Variants in DPP10 observed in about 807,000 individuals in gnomAD.
DPP10 encodes the protein inactive dipeptidyl peptidase 10.
A neutral mutation model predicts 120.9 loss-of-function variants in DPP10; 33 were observed. That is an observed-to-expected ratio of 0.27 (90% confidence interval 0.21 to 0.37). The LOEUF is 0.37. Ranked by LOEUF, DPP10 falls within the 10% of genes least tolerant of loss-of-function variation. The pLI, the probability that DPP10 is intolerant of heterozygous loss-of-function variation, is 1.00. For synonymous variants in DPP10, 337 were observed against 326.1 expected (o/e 1.03, Z -0.36); for missense variants, 816 against 942.8 (o/e 0.87, Z 1.76).
intron 1 of DPP10, among the ~76,000 whole-genome samples, chr2:114,724,385 T>A (rs1334546294): frequency 1.3e-5 from 2 of 152,212 alleles, no homozygotes; most frequent in East Asian, 3.9e-4. Context: ...CTAAATAGTA[T>A]AAAGGAGAGC....
intron 1 of DPP10, among the ~76,000 whole-genome samples, chr2:115,295,069 T>A (rs1259342559): frequency 6.6e-6 from 1 of 152,128 alleles, no homozygotes; most frequent in Non-Finnish European, 1.5e-5. Context: ...AGCAAACGTC[T>A]TTTCAAATTG....
chr2:115,126,478 G>C (rs1324361335), intron 1 of DPP10, among the ~76,000 whole-genome samples: 1 of 152,080 alleles, frequency 6.6e-6, no homozygotes, highest in Non-Finnish European at 1.5e-5. Context: ...TGTCCACCCG[G>C]AGTAGTTGAA....
chr2:114,924,547 A>G (rs745612628), intron 1 of DPP10, among the ~76,000 whole-genome samples: 7 of 151,976 alleles, frequency 4.6e-5, no homozygotes, highest in Non-Finnish European at 1.0e-4. Flanking sequence ...AGAAAGAGGA[A>G]AAAGAAGGAA....
intron 1 of DPP10, among the ~76,000 whole-genome samples, chr2:114,449,587 T>C (rs987756232): frequency 1.3e-5 from 2 of 152,086 alleles, no homozygotes; most frequent in African/African-American, 4.8e-5. Context: ...AGGGGCATCC[T>C]TAAGTGGAGT....
At chr2:114,746,708 G>A (rs1429256074) in intron 1 of DPP10, among the ~76,000 whole-genome samples, 2 of 152,160 alleles carry the variant, frequency 1.3e-5, no homozygotes, top group Admixed American at 6.5e-5. Context: ...CCCCAAAGGA[G>A]AGCCAGGAAA....
At chr2:115,005,979 T>A (rs2105043453) in intron 1 of DPP10, among the ~76,000 whole-genome samples, 1 of 152,278 alleles carries the variant, frequency 6.6e-6, no homozygotes, top group Admixed American at 6.5e-5. Flanking sequence ...AAGGTCGGGT[T>A]ACCCTCAAAG....
At chr2:114,931,337 G>C (rs549516317) in intron 1 of DPP10, among the ~76,000 whole-genome samples, 1 of 152,188 alleles carries the variant, frequency 6.6e-6, no homozygotes, top group Non-Finnish European at 1.5e-5. Context: ...AGGGCCTCAG[G>C]CTGCTTCCAC....
chr2:115,703,029 T>G (rs1303298478), intron 7 of DPP10, among the ~76,000 whole-genome samples: 1 of 151,646 alleles, frequency 6.6e-6, no homozygotes, highest in Non-Finnish European at 1.5e-5. Context: ...ATATAATTAA[T>G]AAAAACAGAA....
chr2:115,448,031 T>C (rs2072769685), intron 3 of DPP10, among the ~76,000 whole-genome samples: 1 of 152,204 alleles, frequency 6.6e-6, no homozygotes, highest in Non-Finnish European at 1.5e-5. Flanking sequence ...TGGTATTGGA[T>C]AGACATAACA....
At chr2:114,615,562 A>G (rs1693613307) in intron 1 of DPP10, among the ~76,000 whole-genome samples, 1 of 152,138 alleles carries the variant, frequency 6.6e-6, no homozygotes, top group Admixed American at 6.6e-5. Context: ...ACAGCAGTGC[A>G]ATACAGAGTA....
intron 1 of DPP10, among the ~76,000 whole-genome samples, chr2:114,751,216 A>G (rs1049085792): frequency 1.3e-5 from 2 of 152,208 alleles, no homozygotes; most frequent in Admixed American, 6.5e-5. Context: ...ACAAATTATC[A>G]TGATTCTCCC....
chr2:115,795,006 C>T (rs1684389643), intron 19 of DPP10, among the ~76,000 whole-genome samples: 6 of 152,068 alleles, frequency 3.9e-5, no homozygotes, highest in Admixed American at 3.3e-4. Flanking sequence ...AGTCTATCTC[C>T]GCAATGCCTA....
Position 115,025,594 on chromosome 2 carries a change from G to A in DPP10, c.61-283645G>A, listed in dbSNP as rs533876996. 3.0e-4 allele frequency among the ~76,000 whole-genome samples: 46 copies of A among 152,070 alleles called. 1 individual carries two copies. In the South Asian group the frequency reaches 6.2e-3, roughly 21 times the overall value. On this transcript the variant is annotated intron_variant, in intron 1 of 25. Coordinates refer to ENST00000410059, the MANE Select transcript of DPP10 (RefSeq NM_020868.6). ...AAACTCCCTGCTGTTTTCCATAATG[G>A]CTGTACTAATAATTTACATTCCCAC...
intron 1 of DPP10, among the ~76,000 whole-genome samples, chr2:114,446,108 T>G (rs1677929914): frequency 6.6e-6 from 1 of 152,186 alleles, no homozygotes; most frequent in African/African-American, 2.4e-5. Context: ...CTTTGCGTTA[T>G]TATAAACGTG....
At chr2:114,690,695 T>A (rs1048328842) in intron 1 of DPP10, among the ~76,000 whole-genome samples, 1 of 152,160 alleles carries the variant, frequency 6.6e-6, no homozygotes, top group African/African-American at 2.4e-5. Context: ...TTTCACAGTA[T>A]TGATTCTTCC....
intron 19 of DPP10, among the ~76,000 whole-genome samples, chr2:115,800,949 T>C (rs1685156125): frequency 6.6e-6 from 1 of 152,062 alleles, no homozygotes; most frequent in South Asian, 2.1e-4. Context: ...AACTTTAAAG[T>C]AGTTTTTTCC....
At chr2:115,501,396 A>C (rs1228367908) in intron 4 of DPP10, among the ~76,000 whole-genome samples, 1 of 151,984 alleles carries the variant, frequency 6.6e-6, no homozygotes, top group Non-Finnish European at 1.5e-5. Flanking sequence ...TCACCATCTC[A>C]TATCATTGTG....
chr2:115,066,987 T>A lies in DPP10; in HGVS notation c.61-242252T>A, dbSNP rs561155902. ...GGTACAGTATAATTAATGATAGGTA[T>A]GGTCTATTGGATTTCCAAAACTAAT... On this transcript the variant is annotated intron_variant, in intron 1 of 25. Transcript: ENST00000410059. Among the ~76,000 whole-genome samples, 148 of 152,296 alleles carry A rather than the reference T, an allele frequency of 9.7e-4. 1 individual carries two copies. The Middle Eastern group carries it at 0.02, about 21-fold the overall frequency.
intron 1 of DPP10, among the ~76,000 whole-genome samples, chr2:115,276,245 G>A (rs975163055): frequency 6.6e-6 from 1 of 152,010 alleles, no homozygotes; most frequent in African/African-American, 2.4e-5. Flanking sequence ...TGGGACAATC[G>A]CCTTTAAAGA....
Sources: allele counts gnomAD v4.1 joint callset (sites outside exome capture counted in the v4.1 genomes callset), GRCh38; gene constraint gnomAD v4.1.1; transcripts MANE v1.5; gene names NCBI Gene and HGNC (gene_info 2026-07-23, HGNC 2026-07-21).